Variants in RSRC1 observed in about 807,000 individuals in gnomAD.
RSRC1 encodes serine/Arginine-related protein 53.
In RSRC1, 39 loss-of-function variants were observed where a neutral mutation model predicts 49.1. The observed-to-expected ratio is 0.79, with a 90% confidence interval of 0.61 to 1.04. RSRC1 has a LOEUF of 1.04. Ranked by LOEUF, RSRC1 falls within the 50% of genes least tolerant of loss-of-function variation. The pLI is 0.00. For synonymous variants in RSRC1, 143 were observed against 130.8 expected, an observed-to-expected ratio of 1.09 and a Z score of -0.63; for missense variants, 388 against 402.4, an observed-to-expected ratio of 0.96 and a Z score of 0.31.
intron 4 of RSRC1, among the ~76,000 whole-genome samples, chr3:158,220,731 A>G (rs1559948385): frequency 6.6e-6 from 1 of 151,516 alleles, no homozygotes; most frequent in Admixed American, 6.6e-5. Context: ...TAATCTGCCC[A>G]TGAGGAATTC....
intron 3 of RSRC1, among the ~76,000 whole-genome samples, chr3:158,193,712 C>T (rs1468526873): frequency 1.3e-5 from 2 of 151,842 alleles, no homozygotes; most frequent in Non-Finnish European, 2.9e-5. Flanking sequence ...AAAATTTCCA[C>T]GTATTTACAC....
Position 158,482,475 on chromosome 3 carries a change from C to T in RSRC1, c.652+21472C>T, listed in dbSNP as rs553836810. Among the ~76,000 whole-genome samples, 5 of 152,106 alleles carry T rather than the reference C, an allele frequency of 3.3e-5. No homozygotes were observed. In the East Asian group the frequency reaches 9.7e-4, roughly 29 times the overall value. ...CCCCTAAAACAGCCCTTGGATTTTT[C>T]AACAGATGGAAGTTTATCTTAGATC... On this transcript the variant is annotated intron_variant, in intron 7 of 9. Coordinates refer to ENST00000611884, the MANE Select transcript of RSRC1 (RefSeq NM_001271838.2).
chr3:158,214,876 T>G (rs1286408336), intron 4 of RSRC1, among the ~76,000 whole-genome samples: 1 of 151,800 alleles, frequency 6.6e-6, no homozygotes, highest in East Asian at 1.9e-4. Context: ...TCCATGTGTA[T>G]TTTGCTGTTG....
chr3:158,259,226 G>C (rs1454262635), intron 4 of RSRC1, among the ~76,000 whole-genome samples: 1 of 152,112 alleles, frequency 6.6e-6, no homozygotes, highest in Non-Finnish European at 1.5e-5. Context: ...GGCTTTCCGA[G>C]TATTCATAGG....
chr3:158,276,270 A>G, intron 4 of RSRC1: 1 of 766,142 alleles, frequency 1.3e-6, no homozygotes, highest in Non-Finnish European at 2.4e-6. Flanking sequence ...CTTGCAGCCC[A>G]GTCTGCACAA....
intron 4 of RSRC1, among the ~76,000 whole-genome samples, chr3:158,293,777 G>A (rs1334597331): frequency 2.0e-5 from 3 of 151,940 alleles, no homozygotes; most frequent in Non-Finnish European, 4.4e-5. Context: ...TTAAATAATA[G>A]TTTATTAGCT....
intron 7 of RSRC1, among the ~76,000 whole-genome samples, chr3:158,474,833 G>T (rs185545795): frequency 2.4e-4 from 37 of 152,234 alleles, no homozygotes; most frequent in Non-Finnish European, 2.5e-4. Context: ...TTATGTCATA[G>T]TTTGACCAAA....
chr3:158,178,787 TTTC>T (rs1719413429), intron 3 of RSRC1, among the ~76,000 whole-genome samples: 1 of 152,202 alleles, frequency 6.6e-6, no homozygotes, highest in South Asian at 2.1e-4. Flanking sequence ...AAGGAGTGTC[TTTC>T]TGTTTGTTCC....
intron 6 of RSRC1, among the ~76,000 whole-genome samples, chr3:158,444,831 C>G (rs1578486733): frequency 6.6e-6 from 1 of 151,972 alleles, no homozygotes. Context: ...ACCCCATCAA[C>G]AAATGGGCGA....
chr3:158,217,307 G>A (rs1721995038), intron 4 of RSRC1, among the ~76,000 whole-genome samples: 1 of 151,674 alleles, frequency 6.6e-6, no homozygotes, highest in African/African-American at 2.4e-5. Flanking sequence ...ACTGGTATGT[G>A]TGGGTTCTAG....
At chr3:158,155,456 A>T (rs1488933526) in intron 3 of RSRC1, among the ~76,000 whole-genome samples, 1 of 152,010 alleles carries the variant, frequency 6.6e-6, no homozygotes, top group African/African-American at 2.4e-5. Flanking sequence ...ATATTTTTAG[A>T]CAGGGTCTCA....
At chr3:158,388,879 G>C (rs1733114793) in intron 6 of RSRC1, among the ~76,000 whole-genome samples, 1 of 152,072 alleles carries the variant, frequency 6.6e-6, no homozygotes, top group African/African-American at 2.4e-5. Flanking sequence ...AAAGTGTTGG[G>C]ATTACAGGCA....
chr3:158,454,394 C>T lies in RSRC1; in HGVS notation c.584-6541C>T, dbSNP rs149285687. On this transcript the variant is annotated intron_variant, in intron 6 of 9. Coordinates refer to ENST00000611884, the MANE Select transcript of RSRC1 (RefSeq NM_001271838.2). Reference sequence around the variant, plus strand: ...TACAAACACTAAGGTACATAGTAAACATTCAATAAATGTTAACTTCAATAA... The same window carrying T: ...TACAAACACTAAGGTACATAGTAAATATTCAATAAATGTTAACTTCAATAA... Among the ~76,000 whole-genome samples, 185 of 152,212 alleles carry T rather than the reference C, an allele frequency of 1.2e-3. 2 individuals carry two copies. The highest frequency in any genetic ancestry group is 4.3e-3 in the African/African-American group (180 of 41,508).
intron 7 of RSRC1, among the ~76,000 whole-genome samples, chr3:158,499,610 A>G (rs892006817): frequency 6.6e-6 from 1 of 152,048 alleles, no homozygotes; most frequent in African/African-American, 2.4e-5. Context: ...TTCATTAGGT[A>G]TATTCCTAAG....
At chr3:158,291,345 G>C (rs1726924512) in intron 4 of RSRC1, among the ~76,000 whole-genome samples, 2 of 152,074 alleles carry the variant, frequency 1.3e-5, no homozygotes, top group African/African-American at 2.4e-5. Flanking sequence ...ACTCCAATTA[G>C]TTATGTGATT....
At chr3:158,188,062 T>G (rs890935278) in intron 3 of RSRC1, among the ~76,000 whole-genome samples, 1 of 151,932 alleles carries the variant, frequency 6.6e-6, no homozygotes, top group African/African-American at 2.4e-5. Context: ...AAGGCTTATT[T>G]TTAGGCTTTG....
In RSRC1 at chr3:158,545,380, T is replaced by C; in HGVS notation, c.*1105T>C. On this transcript the variant is annotated 3_prime_UTR_variant, in exon 10 of 10. Transcript: ENST00000611884. ...ACATGCCCAGCTAATTTTTTGTGTT[T>C]TTAGTAGAGATGGGGTTTCACCATT... 6.6e-6 allele frequency: 1 copy of C among 151,884 alleles called. No homozygotes were observed. The highest frequency in any genetic ancestry group is 1.9e-4 in the East Asian group (1 of 5,170). The allele number at this position is 151,884 out of a possible 1,614,324, so 9.4% of individuals were successfully genotyped here. A position where few individuals can be genotyped will look rare whatever the true frequency, so the allele number is the denominator to read the frequency against.
chr3:158,128,989 T>G (rs1261570122), intron 3 of RSRC1, among the ~76,000 whole-genome samples: 1 of 151,918 alleles, frequency 6.6e-6, no homozygotes, highest in Non-Finnish European at 1.5e-5. Context: ...GATACTGCTA[T>G]GTCATAGTGG....
chr3:158,267,994 T>C (rs1177997855), intron 4 of RSRC1, among the ~76,000 whole-genome samples: 2 of 152,070 alleles, frequency 1.3e-5, no homozygotes, highest in Non-Finnish European at 2.9e-5. Flanking sequence ...TTCCTTCCTA[T>C]AGGTACTGTC....
Sources: gnomAD v4.1 joint callset for allele counts (sites outside exome capture counted in the v4.1 genomes callset) on GRCh38, gnomAD v4.1.1 for gene constraint, MANE v1.5 for transcripts, NCBI Gene and HGNC (gene_info 2026-07-23, HGNC 2026-07-21) for gene names.